The following UST variants were observed in gnomAD, a reference collection of about 807,000 sequenced individuals.
The protein encoded by UST is chondroitin sulfate 2-O-sulfotransferase.
A neutral mutation model predicts 45.6 loss-of-function variants in UST; 21 were observed. The ratio of observed to expected loss-of-function variants is 0.46; its 90% confidence interval spans 0.33 to 0.66. UST has a LOEUF of 0.66. UST is among the 30% of genes least tolerant of loss of function. UST has a pLI of 0.02. For synonymous variants in UST, 215 were observed against 200.6 expected, an observed-to-expected ratio of 1.07 and a Z score of -0.61; for missense variants, 463 against 512.4, an observed-to-expected ratio of 0.90 and a Z score of 0.93.
chr6:148,887,325 C>T (rs972756255), intron 2 of UST, among the ~76,000 whole-genome samples: 1 of 152,230 alleles, frequency 6.6e-6, no homozygotes, highest in Non-Finnish European at 1.5e-5. Flanking sequence ...TTTCATTTGC[C>T]TTGGCATCGA....
intron 1 of UST, among the ~76,000 whole-genome samples, chr6:148,762,531 C>A (rs1243484277): frequency 6.8e-6 from 1 of 146,750 alleles, no homozygotes; most frequent in African/African-American, 2.5e-5. Context: ...GGGCAGGCTT[C>A]TATCTTTTTT....
chr6:148,802,832 T>C lies in UST; in HGVS notation c.247+55155T>C, dbSNP rs376369811. ...AATCGTGAAAGGGGTCTTAGAGCTT[T>C]GAGCAGAACGGTAGACCCAGAAGGA... On this transcript the variant is annotated intron_variant, in intron 1 of 7. Coordinates refer to ENST00000367463, the MANE Select transcript of UST (RefSeq NM_005715.3). 7.9e-5 allele frequency among the ~76,000 whole-genome samples: 12 copies of C among 152,306 alleles called. No homozygotes were observed. In the East Asian group the frequency reaches 1.5e-3, roughly 20 times the overall value.
At chr6:148,889,574 G>A (rs563183679) in intron 2 of UST, among the ~76,000 whole-genome samples, 3 of 152,238 alleles carry the variant, frequency 2.0e-5, no homozygotes, top group Admixed American at 2.0e-4. Context: ...TATTGAGTTG[G>A]ATTAGGTGGC....
intron 7 of UST, among the ~76,000 whole-genome samples, chr6:149,023,236 C>T (rs1776005930): frequency 6.6e-6 from 1 of 151,830 alleles, no homozygotes; most frequent in Non-Finnish European, 1.5e-5. Flanking sequence ...ATAAGATGAA[C>T]ACTCTCCATA....
At chr6:148,855,061 C>T (rs933190466) in intron 1 of UST, among the ~76,000 whole-genome samples, 47 of 152,148 alleles carry the variant, frequency 3.1e-4, no homozygotes, top group Admixed American at 5.2e-4. Flanking sequence ...AGAGCTTGTA[C>T]AGGCTTTTTA....
chr6:148,856,340 A>T (rs1379128319), intron 1 of UST, among the ~76,000 whole-genome samples: 1 of 152,188 alleles, frequency 6.6e-6, no homozygotes, highest in Non-Finnish European at 1.5e-5. Context: ...GATTAATATT[A>T]TGTAAGGTAA....
intron 1 of UST, among the ~76,000 whole-genome samples, chr6:148,820,968 CT>C (rs71007920): frequency 0.028 from 2,562 of 91,060 alleles, 22 homozygotes; most frequent in African/African-American, 0.067. Context: ...TTTTTAATTC[CT>C]TTTTTTTTTT....
intron 1 of UST, among the ~76,000 whole-genome samples, chr6:148,765,711 A>T (rs996585590): frequency 2.0e-5 from 3 of 152,200 alleles, no homozygotes; most frequent in Admixed American, 1.3e-4. Flanking sequence ...ATGTTCAGAG[A>T]TTGTAGTAAA....
At chr6:148,787,904 T>G (rs1475875966) in intron 1 of UST, among the ~76,000 whole-genome samples, 1 of 152,098 alleles carries the variant, frequency 6.6e-6, no homozygotes, top group Non-Finnish European at 1.5e-5. Flanking sequence ...GAGTACTTTC[T>G]TCCTGTTAGA....
At position 149,074,245 on chromosome 6, in the gene UST, G is replaced by T; in HGVS notation, c.*129G>T. On this transcript the variant is annotated 3_prime_UTR_variant, in exon 8 of 8. Coordinates refer to ENST00000367463, the MANE Select transcript of UST (RefSeq NM_005715.3). ...AAAGAACAAAACATTCCCACATGTTGGGGTCATTGGGAGATGCCCGGTTTT... is the reference window on the plus strand; with the variant it reads ...AAAGAACAAAACATTCCCACATGTTTGGGTCATTGGGAGATGCCCGGTTTT... 1 of 1,047,958 alleles carries T rather than the reference G, an allele frequency of 9.5e-7. No individual in the cohort carries two copies. Among genetic ancestry groups the T allele is most frequent in the Non-Finnish European group, 1.4e-6 (1 of 730,554 alleles). 64.9% of individuals were successfully genotyped at this position (1,047,958 alleles called of 1,614,324 possible).
At chr6:148,751,716 AT>A (rs1775995599) in intron 1 of UST, among the ~76,000 whole-genome samples, 1 of 152,148 alleles carries the variant, frequency 6.6e-6, no homozygotes, top group East Asian at 1.9e-4. Flanking sequence ...CTTGGAGACC[AT>A]GGTCTTTCCA....
intron 1 of UST, among the ~76,000 whole-genome samples, chr6:148,874,540 T>C (rs139347484): frequency 1.7e-4 from 26 of 152,356 alleles, no homozygotes; most frequent in African/African-American, 5.8e-4. Context: ...AAGAAAGTAC[T>C]TTTCGGGATA....
At chr6:148,769,055 CTG>C (rs1473894406) in intron 1 of UST, among the ~76,000 whole-genome samples, 1 of 152,262 alleles carries the variant, frequency 6.6e-6, no homozygotes, top group Non-Finnish European at 1.5e-5. Context: ...GATTGGGTAA[CTG>C]TATGGATCTC....
chr6:148,852,846 T>C (rs972024322), intron 1 of UST, among the ~76,000 whole-genome samples: 2 of 152,150 alleles, frequency 1.3e-5, no homozygotes, highest in African/African-American at 2.4e-5. Flanking sequence ...ACTTGTAAGG[T>C]CTGTGAGGGT....
chr6:148,836,386 A>T (rs1327219254), intron 1 of UST, among the ~76,000 whole-genome samples: 1 of 152,200 alleles, frequency 6.6e-6, no homozygotes, highest in Admixed American at 6.5e-5. Context: ...AAACCCAAAC[A>T]AACACAAATT....
intron 2 of UST, among the ~76,000 whole-genome samples, chr6:148,932,132 C>T (rs1042991371): frequency 6.6e-6 from 1 of 152,166 alleles, no homozygotes; most frequent in South Asian, 2.1e-4. Context: ...GTAATCCCAG[C>T]GCTTTCAGAA....
At chr6:148,936,191 T>C (rs949182044) in intron 2 of UST, among the ~76,000 whole-genome samples, 1 of 152,164 alleles carries the variant, frequency 6.6e-6, no homozygotes, top group African/African-American at 2.4e-5. Context: ...CATGTAAAAA[T>C]AGTTGTAATA....
At chr6:149,068,025 G>A (rs193057133) in intron 7 of UST, among the ~76,000 whole-genome samples, 194 of 152,160 alleles carry the variant, frequency 1.3e-3, no homozygotes, top group Non-Finnish European at 2.3e-3. Flanking sequence ...AGAGATGATC[G>A]TGCCCAATTT....
intron 5 of UST, among the ~76,000 whole-genome samples, chr6:148,983,593 C>T (rs929924303): frequency 6.6e-6 from 1 of 152,200 alleles, no homozygotes; most frequent in East Asian, 1.9e-4. Flanking sequence ...TTAACTCCTG[C>T]TATCATGCTG....
Sources: allele counts gnomAD v4.1 joint callset (sites outside exome capture counted in the v4.1 genomes callset), GRCh38; gene constraint gnomAD v4.1.1; transcripts MANE v1.5; gene names NCBI Gene and HGNC (gene_info 2026-07-23, HGNC 2026-07-21).